SLC9D1: variants seen among roughly 807,000 people sequenced by gnomAD.
SLC9D1 encodes putative LAG1-interacting protein.
chr13:113,549,288 A>G, the SLC9D1 span: 235,765 of 960,780 alleles, frequency 0.25, 37,646 homozygotes, highest in African/African-American at 0.63. Context: ...CCCAGCACTC[A>G]GCGTGACTGT....
chr13:113,521,212 T>G, the SLC9D1 span, among the ~76,000 whole-genome samples: 1 of 150,148 alleles, frequency 6.7e-6, no homozygotes, highest in African/African-American at 2.4e-5. Context: ...GTGGCGCACC[T>G]GTGGTGGGGG....
the SLC9D1 span, among the ~76,000 whole-genome samples, chr13:113,498,819 A>G: frequency 6.6e-6 from 1 of 152,212 alleles, no homozygotes; most frequent in East Asian, 1.9e-4. Flanking sequence ...CAGCCTGGAC[A>G]GTTGGGTTTA....
chr13:113,513,215 C>T, the SLC9D1 span, among the ~76,000 whole-genome samples: 1 of 152,154 alleles, frequency 6.6e-6, no homozygotes, highest in Non-Finnish European at 1.5e-5. Context: ...ATAGGTAACC[C>T]ACACCCTGGG....
At chr13:113,498,415 A>G in the SLC9D1 span, 581 of 1,584,416 alleles carry the variant, frequency 3.7e-4, 3 homozygotes, top group African/African-American at 7.0e-3. Flanking sequence ...ATGCAACATC[A>G]AAACCAAAGT....
the SLC9D1 span, among the ~76,000 whole-genome samples, chr13:113,521,902 A>C: frequency 6.6e-6 from 1 of 152,178 alleles, no homozygotes; most frequent in African/African-American, 2.4e-5. Flanking sequence ...TGTGCTTTAG[A>C]TCTAATCTCC....
At chr13:113,537,370 T>G in the SLC9D1 span, among the ~76,000 whole-genome samples, 1 of 152,234 alleles carries the variant, frequency 6.6e-6, no homozygotes, top group African/African-American at 2.4e-5. Flanking sequence ...CCTGGCCCCG[T>G]GGGCCGCTGC....
chr13:113,543,154 C>T, the SLC9D1 span, among the ~76,000 whole-genome samples: 5 of 78,912 alleles, frequency 6.3e-5, no homozygotes, highest in Non-Finnish European at 9.5e-5. Context: ...CCGTGCCCCC[C>T]GCCCTACCTC....
the SLC9D1 span, chr13:113,547,145 T>G: frequency 1.5e-6 from 1 of 653,606 alleles, no homozygotes. Flanking sequence ...AGGGGCGGCT[T>G]TTTAGCATTT....
chr13:113,495,089 G>A, the SLC9D1 span, among the ~76,000 whole-genome samples: 2 of 152,288 alleles, frequency 1.3e-5, no homozygotes, highest in Admixed American at 1.3e-4. Context: ...CCTGACCTCA[G>A]GTGATCTGCC....
the SLC9D1 span, among the ~76,000 whole-genome samples, chr13:113,525,847 A>C: frequency 2.7e-5 from 4 of 149,918 alleles, no homozygotes; most frequent in East Asian, 7.9e-4. Context: ...CTGTTATTCT[A>C]GAACAAGCCA....
the SLC9D1 span, among the ~76,000 whole-genome samples, chr13:113,517,081 C>G: frequency 4.6e-5 from 7 of 152,206 alleles, no homozygotes; most frequent in Non-Finnish European, 8.8e-5. Context: ...CGGGCTCTAT[C>G]CATTTCCAGG....
the SLC9D1 span, among the ~76,000 whole-genome samples, chr13:113,546,066 AT>A: frequency 1.3e-5 from 2 of 151,976 alleles, no homozygotes; most frequent in Non-Finnish European, 2.9e-5. This position sits in a 1 kb window ranked among gnomAD's most constrained non-coding sequence, Gnocchi z 7.1. Context: ...TGTGGCCGCG[AT>A]GTGAGGCCCC....
At chr13:113,509,769 T>A in the SLC9D1 span, among the ~76,000 whole-genome samples, 1 of 152,210 alleles carries the variant, frequency 6.6e-6, no homozygotes, top group Admixed American at 6.5e-5. Context: ...TGAAGCGTGC[T>A]TTCTTCCACC....
the SLC9D1 span, among the ~76,000 whole-genome samples, chr13:113,531,576 C>T: frequency 2.0e-5 from 3 of 148,708 alleles, no homozygotes; most frequent in South Asian, 2.1e-4. Flanking sequence ...CACGGCACCC[C>T]GTACATGCAG....
chr13:113,501,743 A>G, the SLC9D1 span: 14 of 1,603,948 alleles, frequency 8.7e-6, no homozygotes, highest in Non-Finnish European at 1.2e-5. Flanking sequence ...TATTTATTTT[A>G]TTCTTCAGGA....
the SLC9D1 span, among the ~76,000 whole-genome samples, chr13:113,549,238 G>A: frequency 6.6e-6 from 1 of 151,434 alleles, no homozygotes; most frequent in Non-Finnish European, 1.5e-5. Context: ...GCATGACCGC[G>A]CTTAGCTTCC....
chr13:113,536,244 G>A, the SLC9D1 span, among the ~76,000 whole-genome samples: 1 of 152,074 alleles, frequency 6.6e-6, no homozygotes, highest in African/African-American at 2.4e-5. Flanking sequence ...TGGGCATGGT[G>A]GCGCCTGCCT....
chr13:113,493,658 C>A, the SLC9D1 span, among the ~76,000 whole-genome samples: 2 of 152,202 alleles, frequency 1.3e-5, no homozygotes, highest in African/African-American at 4.8e-5. Flanking sequence ...TAGGAAGTTA[C>A]CTGTTCTAGG....
At chr13:113,494,899 T>A in the SLC9D1 span, among the ~76,000 whole-genome samples, 1 of 152,162 alleles carries the variant, frequency 6.6e-6, no homozygotes, top group Non-Finnish European at 1.5e-5. Flanking sequence ...TGTTTTTTTT[T>A]TGAGACAGAG....
Sources: allele counts gnomAD v4.1 joint callset (sites outside exome capture counted in the v4.1 genomes callset), GRCh38; gene constraint gnomAD v4.1.1; non-coding constraint Gnocchi (gnomAD v3.1); transcripts MANE v1.5; gene names NCBI Gene and HGNC (gene_info 2026-07-23, HGNC 2026-07-21).